Variants in PPM1H observed in about 807,000 individuals in gnomAD.
The protein encoded by PPM1H is protein phosphatase, Mg2+/Mn2+ dependent 1H, also known as protein phosphatase 1H.
PPM1H carries 27 observed loss-of-function variants against 54.9 expected under a neutral mutation model. The observed-to-expected ratio is 0.49, with a 90% CI of 0.36 to 0.68. PPM1H has a LOEUF of 0.68. Among genes scored for constraint, PPM1H ranks in the 30% least tolerant of loss-of-function variants. The probability of loss-of-function intolerance (pLI) is 0.00; values close to 1 mark genes in which losing one functional copy is unlikely to be tolerated. For synonymous variants in PPM1H, 305 were observed against 270.8 expected (o/e 1.13, Z -1.24); for missense variants, 596 against 667.8 (o/e 0.89, Z 1.19).
At chr12:62,704,695 A>G (rs2076163357) in intron 6 of PPM1H, among the ~76,000 whole-genome samples, 1 of 152,222 alleles carries the variant, frequency 6.6e-6, no homozygotes, top group Non-Finnish European at 1.5e-5. Flanking sequence ...GTAGCAGCCT[A>G]GCTTGTGCAT....
In PPM1H at chr12:62,802,178, A is replaced by AG; in HGVS notation, c.412-19dup. ...TCGGATTCCTGTGGGAGAGGACGAC[A>AG]GGGAGGAGTGAGAACGGCTGTGGAC... On this transcript the variant is annotated intron_variant, in intron 2 of 9. Transcript: ENST00000228705. The AG allele has an allele frequency of 6.5e-7, 1 of 1,538,020 alleles. No homozygotes were observed. Among genetic ancestry groups the AG allele is most frequent in the Non-Finnish European group, 8.8e-7 (1 of 1,138,604 alleles).
intron 3 of PPM1H, among the ~76,000 whole-genome samples, chr12:62,789,290 A>C (rs986875588): frequency 1.3e-5 from 2 of 152,148 alleles, no homozygotes; most frequent in Non-Finnish European, 2.9e-5. Flanking sequence ...GGGCCACCAT[A>C]CCCAGCCCAG....
At chr12:62,700,954 C>A (rs1045227473) in intron 6 of PPM1H, among the ~76,000 whole-genome samples, 1 of 152,160 alleles carries the variant, frequency 6.6e-6, no homozygotes, top group African/African-American at 2.4e-5. Context: ...CACCACCTAA[C>A]AGTTAAAGAA....
chr12:62,838,338 T>TGGG lies in PPM1H; in HGVS notation c.246-6062_246-6060dup, dbSNP rs369140482. Among the ~76,000 whole-genome samples, 597 of 93,234 alleles carry TGGG rather than the reference T, an allele frequency of 6.4e-3. 7 individuals are homozygous for TGGG. Among genetic ancestry groups the TGGG allele is most frequent in the Non-Finnish European group, 8.1e-3 (389 of 47,798 alleles). The allele number at this position is 93,234 out of a possible 152,430, so 61.2% of individuals were successfully genotyped here. A position where few individuals can be genotyped will look rare whatever the true frequency, so the allele number is the denominator to read the frequency against. ...CAGTAAAATACAGTGTGTGTGTGTG[T>TGGG]GGGGGGGGGGAGATGAATAACTTAT... On this transcript the variant is annotated intron_variant, in intron 1 of 9. Transcript: ENST00000228705.
chr12:62,823,168 C>T (rs1041211048), intron 2 of PPM1H, among the ~76,000 whole-genome samples: 6 of 152,162 alleles, frequency 3.9e-5, no homozygotes, highest in Non-Finnish European at 8.8e-5. Flanking sequence ...TTCCGGGACA[C>T]ATACACCCTC....
rs1388648941 is a variant in PPM1H at position 62,646,346 on chromosome 12, GAGA to G, written c.*2140_*2142del. On this transcript the variant is annotated 3_prime_UTR_variant, in exon 10 of 10. Transcript: ENST00000228705. ...TACTCTGGTGGCTTGAATAAAACTG[GAGA>G]AGCTCAAGGTAGGGCCCAGATAGAG... The G allele has an allele frequency of 6.6e-6, 1 of 152,164 alleles. No individual in the cohort carries two copies. Among genetic ancestry groups the G allele is most frequent in the Non-Finnish European group, 1.5e-5 (1 of 68,048 alleles). 9.4% of individuals were successfully genotyped at this position (152,164 alleles called of 1,614,324 possible). A position where few individuals can be genotyped will look rare whatever the true frequency, so the allele number is the denominator to read the frequency against.
intron 6 of PPM1H, among the ~76,000 whole-genome samples, chr12:62,695,543 T>C (rs1220780039): frequency 6.6e-6 from 1 of 152,086 alleles, no homozygotes; most frequent in Non-Finnish European, 1.5e-5. Flanking sequence ...TTCCCCCAAA[T>C]CTACCAAACT....
intron 5 of PPM1H, among the ~76,000 whole-genome samples, chr12:62,734,779 C>T (rs148404070): frequency 9.8e-4 from 149 of 152,212 alleles, no homozygotes; most frequent in Non-Finnish European, 1.5e-3. Flanking sequence ...TAGTGGCTCA[C>T]GCTTGTAACC....
At chr12:62,756,035 C>A in intron 4 of PPM1H, 1 of 1,400,558 alleles carries the variant, frequency 7.1e-7, no homozygotes, top group East Asian at 2.3e-5. Flanking sequence ...GAGACCCCCT[C>A]AAGGGCATCC....
chr12:62,875,299 C>A (rs1870120521), intron 1 of PPM1H, among the ~76,000 whole-genome samples: 1 of 152,114 alleles, frequency 6.6e-6, no homozygotes, highest in African/African-American at 2.4e-5. Flanking sequence ...GGCAATTCCC[C>A]CCAAAAATCC....
intron 1 of PPM1H, among the ~76,000 whole-genome samples, chr12:62,868,910 C>T (rs540180963): frequency 1.0e-3 from 154 of 152,308 alleles, no homozygotes; most frequent in African/African-American, 3.5e-3. Flanking sequence ...AAAACTTGTC[C>T]AGAGTTACAC....
At chr12:62,881,905 C>T (rs73318222) in intron 1 of PPM1H, among the ~76,000 whole-genome samples, 1,606 of 152,276 alleles carry the variant, frequency 0.011, 29 homozygotes, top group African/African-American at 0.037. Flanking sequence ...CCTTGTTCAA[C>T]AGAAGCTTCT....
At chr12:62,764,989 G>A (rs547407271) in intron 4 of PPM1H, among the ~76,000 whole-genome samples, 16 of 152,320 alleles carry the variant, frequency 1.1e-4, no homozygotes, top group East Asian at 3.9e-4. Flanking sequence ...GGATGGGCTG[G>A]GGCCAGTCAG....
At chr12:62,761,150 A>C (rs1026714731) in intron 4 of PPM1H, among the ~76,000 whole-genome samples, 13 of 152,360 alleles carry the variant, frequency 8.5e-5, no homozygotes, top group Admixed American at 1.3e-4. Context: ...CGTAATCTCA[A>C]AGAAGACTAC....
chr12:62,671,528 G>A (rs1025766786), intron 8 of PPM1H, among the ~76,000 whole-genome samples: 6 of 152,208 alleles, frequency 3.9e-5, no homozygotes, highest in African/African-American at 1.2e-4. Flanking sequence ...GACTAAAACT[G>A]ACAAAGCCTC....
chr12:62,865,593 C>T (rs1335865424), intron 1 of PPM1H, among the ~76,000 whole-genome samples: 4 of 152,170 alleles, frequency 2.6e-5, no homozygotes, highest in Admixed American at 2.6e-4. Flanking sequence ...GTCTCCCGGG[C>T]TCAAGCTATT....
chr12:62,694,051 T>TA, intron 6 of PPM1H, 52 bp from the exon 7 acceptor site: 1 of 1,503,432 alleles, frequency 6.7e-7, no homozygotes, highest in Non-Finnish European at 9.1e-7. Flanking sequence ...ATTAGTGACC[T>TA]GCTGCCCTGA....
chr12:62,710,600 A>AG (rs1282266139), intron 6 of PPM1H, among the ~76,000 whole-genome samples: 1 of 151,452 alleles, frequency 6.6e-6, no homozygotes, highest in African/African-American at 2.4e-5. Flanking sequence ...CCTGGGACAG[A>AG]GGGGCTGGCA....
At chr12:62,706,193 G>A (rs989231739) in intron 6 of PPM1H, among the ~76,000 whole-genome samples, 1 of 152,200 alleles carries the variant, frequency 6.6e-6, no homozygotes, top group African/African-American at 2.4e-5. Context: ...TAAAAACCAT[G>A]AGAGTTTTGC....
Sources: gnomAD v4.1 joint callset for allele counts (sites outside exome capture counted in the v4.1 genomes callset) on GRCh38, gnomAD v4.1.1 for gene constraint, MANE v1.5 for transcripts, NCBI Gene and HGNC (gene_info 2026-07-23, HGNC 2026-07-21) for gene names.